KLHL15: variants seen among roughly 807,000 people sequenced by gnomAD.
KLHL15 encodes the protein kelch like family member 15, also known as kelch-like protein 15.
A neutral mutation model predicts 29.3 loss-of-function variants in KLHL15; 1 was observed. That is an observed-to-expected ratio of 0.03 (90% CI 0.01 to 0.16). The LOEUF is 0.16. Among genes scored for constraint, KLHL15 ranks in the 10% least tolerant of loss-of-function variants. The pLI, the probability that KLHL15 is intolerant of heterozygous loss-of-function variation, is 1.00. For missense variants in KLHL15, 215 were observed against 478.5 expected (o/e 0.45, Z 5.14); for synonymous variants, 212 against 184.5 (o/e 1.15, Z -1.21).
chrX:24,015,204 C>T (rs562943857), intron 2 of KLHL15, among the ~76,000 whole-genome samples: 1 of 112,111 alleles, frequency 8.9e-6, no homozygotes, highest in Middle Eastern at 4.6e-3. Context: ...TTTTCTTGGC[C>T]TTCTCTCTGC....
At position 23,987,613 on chromosome X, in the gene KLHL15, A is replaced by T. The variant is rs751639571; in HGVS notation, c.*308T>A. Reference sequence around the variant, plus strand: ...TATCGGGTCTTCTCTTAGAAGACACATGACTCCTACGCTAACATCTGAAAG... The same window carrying T: ...TATCGGGTCTTCTCTTAGAAGACACTTGACTCCTACGCTAACATCTGAAAG... On this transcript the variant is annotated 3_prime_UTR_variant, in exon 4 of 4. Coordinates refer to ENST00000328046, the MANE Select transcript of KLHL15 (RefSeq NM_030624.3). The T allele has an allele frequency of 1.5e-5, 3 of 195,297 alleles. No homozygotes were observed. In the Admixed American group the frequency reaches 2.1e-4, roughly 13 times the overall value. The allele number at this position is 195,297 out of a possible 1,213,427, so 16.1% of individuals were successfully genotyped here. A position where few individuals can be genotyped will look rare whatever the true frequency, so the allele number is the denominator to read the frequency against.
chrX:24,015,583 T>C (rs1335786307), intron 2 of KLHL15, among the ~76,000 whole-genome samples: 1 of 112,500 alleles, frequency 8.9e-6, no homozygotes, highest in Non-Finnish European at 1.9e-5. Context: ...ATAGAGTCTC[T>C]AGATGGTAGT....
chrX:23,990,310 T>A (rs1351211055), intron 3 of KLHL15, among the ~76,000 whole-genome samples: 1 of 110,715 alleles, frequency 9.0e-6, no homozygotes, highest in Admixed American at 9.7e-5. Context: ...AGGTGACAAT[T>A]AGGTATGAAG....
chrX:23,999,522 G>C (rs1227480876), intron 3 of KLHL15, among the ~76,000 whole-genome samples: 1 of 106,963 alleles, frequency 9.3e-6, no homozygotes, highest in Non-Finnish European at 1.9e-5. Context: ...ATGAACCTGG[G>C]AGGCGGAGCT....
intron 3 of KLHL15, among the ~76,000 whole-genome samples, chrX:23,996,193 C>T (rs144202150): frequency 8.7e-4 from 98 of 112,306 alleles, no homozygotes; most frequent in African/African-American, 3.0e-3. Flanking sequence ...AAAGAGGTTA[C>T]CTGTGTGAAC....
chrX:24,000,174 AAAGGTTACTATCTTT>A (rs1171882688), intron 3 of KLHL15, among the ~76,000 whole-genome samples: 1 of 112,337 alleles, frequency 8.9e-6, no homozygotes. Flanking sequence ...CATTTGAAAT[AAAGGTTACTATCTTT>A]TAAAAAGTTG....
intron 2 of KLHL15, among the ~76,000 whole-genome samples, chrX:24,012,915 A>T (rs1281604690): frequency 8.9e-6 from 1 of 111,735 alleles, no homozygotes; most frequent in Non-Finnish European, 1.9e-5. Flanking sequence ...TTAATAACAA[A>T]TTTTTATTAG....
Position 24,006,680 on chromosome X carries a change from A to G in KLHL15, c.14T>C (p.Val5Ala). 4.2e-6 allele frequency: 5 copies of G among 1,192,736 alleles called. No individual in the cohort carries two copies. Among genetic ancestry groups the G allele is most frequent in the Non-Finnish European group, 5.7e-6 (5 of 883,933 alleles). The stretch of plus-strand genomic sequence containing the variant: ...GTGGATGGAGGAACAGAATCCTTCC[A>G]CGTCCCCTGCCATGAATCACCTGGA... MAGD[V>A]EGFCSSIHDT... is the part of the protein sequence containing the mutation. Residue 5 changes from valine (V) to alanine (A), a missense_variant, in exon 3 of 4, where the codon GTG (valine) becomes GCG (alanine). Coordinates refer to ENST00000328046, the MANE Select transcript of KLHL15 (RefSeq NM_030624.3).
Position 23,985,157 on chromosome X carries a change from C to A in KLHL15, c.*2764G>T, listed in dbSNP as rs1170408890. 9.0e-6 allele frequency: 1 copy of A among 111,609 alleles called. No individual in the cohort carries two copies. The highest frequency in any genetic ancestry group is 1.9e-5 in the Non-Finnish European group (1 of 53,105). The allele number at this position is 111,609 out of a possible 1,213,427, so 9.2% of individuals were successfully genotyped here. On this transcript the variant is annotated 3_prime_UTR_variant, in exon 4 of 4. Transcript: ENST00000328046. ...TTAAGATGTAATTAATGAAGATCAGCTATTTTTGTGAACTCTGGCATTTGA... is the reference window on the plus strand; with the variant it reads ...TTAAGATGTAATTAATGAAGATCAGATATTTTTGTGAACTCTGGCATTTGA...
chrX:24,013,547 A>T (rs1929617008), intron 2 of KLHL15, among the ~76,000 whole-genome samples: 1 of 111,324 alleles, frequency 9.0e-6, no homozygotes, highest in South Asian at 3.7e-4. Context: ...TACAGGCGTA[A>T]GCCACCACAC....
At chrX:24,013,713 A>G (rs1330374109) in intron 2 of KLHL15, among the ~76,000 whole-genome samples, 1 of 110,902 alleles carries the variant, frequency 9.0e-6, no homozygotes, top group Non-Finnish European at 1.9e-5. Flanking sequence ...TCAGTTTTCA[A>G]AATATTTAGA....
intron 2 of KLHL15, among the ~76,000 whole-genome samples, chrX:24,011,048 A>AT (rs754392823): frequency 9.1e-6 from 1 of 109,701 alleles, no homozygotes; most frequent in East Asian, 2.9e-4. Flanking sequence ...ACTCTCATGA[A>AT]TAAACTATCA....
At position 23,983,763 on chromosome X, in the gene KLHL15, C is replaced by T. The variant is rs1040716837; in HGVS notation, c.*4158G>A. On this transcript the variant is annotated 3_prime_UTR_variant, in exon 4 of 4. Coordinates refer to ENST00000328046, the MANE Select transcript of KLHL15 (RefSeq NM_030624.3). Reference sequence around the variant, plus strand: ...TTTTATTTAAACTTTTCTTCATAAACACTTTTAACATTTTTTTCAATTTAA... The same window carrying T: ...TTTTATTTAAACTTTTCTTCATAAATACTTTTAACATTTTTTTCAATTTAA... The T allele has an allele frequency of 8.9e-6, 1 of 111,932 alleles. No individual in the cohort carries two copies. Among genetic ancestry groups the T allele is most frequent in the African/African-American group, 3.2e-5 (1 of 30,859 alleles). The allele number at this position is 111,932 out of a possible 1,213,427, so 9.2% of individuals were successfully genotyped here. A position where few individuals can be genotyped will look rare whatever the true frequency, so the allele number is the denominator to read the frequency against.
chrX:23,995,331 C>T (rs1356177498), intron 3 of KLHL15, among the ~76,000 whole-genome samples: 5 of 100,925 alleles, frequency 5.0e-5, no homozygotes, highest in African/African-American at 1.9e-4. Flanking sequence ...TGCTTGAACC[C>T]GGAAGGTGGA....
intron 2 of KLHL15, among the ~76,000 whole-genome samples, chrX:24,016,554 C>G (rs1929689701): frequency 9.2e-6 from 1 of 108,200 alleles, no homozygotes. Context: ...GTAATCCCAG[C>G]TAGTCGGGAG....
chrX:24,024,766 C>A, intron 2 of KLHL15, 91 bp downstream of exon 2: 1 of 297,207 alleles, frequency 3.4e-6, no homozygotes. Context: ...GACTCGGGTC[C>A]GTGCAGAGAG....
intron 3 of KLHL15, among the ~76,000 whole-genome samples, chrX:23,997,265 A>G (rs1386492422): frequency 8.9e-6 from 1 of 112,080 alleles, no homozygotes; most frequent in Non-Finnish European, 1.9e-5. Context: ...GTGCAATAGT[A>G]ATAGAACACT....
intron 2 of KLHL15, among the ~76,000 whole-genome samples, chrX:24,024,651 G>A (rs1458937805): frequency 1.8e-5 from 2 of 113,098 alleles, no homozygotes; most frequent in South Asian, 7.1e-4. Context: ...GCTGAATTAT[G>A]CTTCTTCCTT....
In KLHL15 at chrX:23,987,324, G is replaced by A. The variant is rs1046187938; in HGVS notation, c.*597C>T. On this transcript the variant is annotated 3_prime_UTR_variant, in exon 4 of 4. Transcript: ENST00000328046. Reference sequence around the variant, plus strand: ...AAGGGATGTGCCTTGTGTATTTATAGGTTGTATGCGAGTATGAATATGCTT... The same window carrying A: ...AAGGGATGTGCCTTGTGTATTTATAAGTTGTATGCGAGTATGAATATGCTT... 3 of 112,436 alleles carry A rather than the reference G, an allele frequency of 2.7e-5. No individual in the cohort carries two copies. The highest frequency in any genetic ancestry group is 9.7e-5 in the African/African-American group (3 of 31,008). 9.3% of individuals were successfully genotyped at this position (112,436 alleles called of 1,213,427 possible). A position where few individuals can be genotyped will look rare whatever the true frequency, so the allele number is the denominator to read the frequency against.
Sources: gnomAD v4.1 joint callset for allele counts (sites outside exome capture counted in the v4.1 genomes callset) on GRCh38, gnomAD v4.1.1 for gene constraint, MANE v1.5 for transcripts, NCBI Gene and HGNC (gene_info 2026-07-23, HGNC 2026-07-21) for gene names.